The following EPHA3 variants were observed in gnomAD, a reference collection of about 807,000 sequenced individuals.
EPHA3 encodes the protein EPH receptor A3.
A neutral mutation model predicts 107.1 loss-of-function variants in EPHA3; 42 were observed. The ratio of observed to expected loss-of-function variants is 0.39; its 90% CI spans 0.31 to 0.51. The LOEUF (loss-of-function observed/expected upper bound fraction) is 0.51, where lower values mean the gene tolerates loss of function less well. Ranked by LOEUF, EPHA3 falls within the 20% of genes least tolerant of loss-of-function variation. The pLI, the probability that EPHA3 is intolerant of heterozygous loss-of-function variation, is 0.78. For synonymous variants in EPHA3, 461 were observed against 424.8 expected, an observed-to-expected ratio of 1.09 and a Z score of -1.05; for missense variants, 1,183 against 1,211.2, an observed-to-expected ratio of 0.98 and a Z score of 0.35.
At chr3:89,292,786 C>A (rs917347724) in intron 3 of EPHA3, among the ~76,000 whole-genome samples, 1 of 152,078 alleles carries the variant, frequency 6.6e-6, no homozygotes, top group Admixed American at 6.6e-5. Context: ...TTACAAATTT[C>A]AAAAGTCTTT....
chr3:89,169,759 T>C (rs1204849327), intron 2 of EPHA3, among the ~76,000 whole-genome samples: 1 of 152,218 alleles, frequency 6.6e-6, no homozygotes, highest in Non-Finnish European at 1.5e-5. Flanking sequence ...TTCAAATATA[T>C]CATTTCTTCA....
intron 3 of EPHA3, among the ~76,000 whole-genome samples, chr3:89,276,002 G>C (rs1279745172): frequency 6.6e-6 from 1 of 151,998 alleles, no homozygotes; most frequent in Admixed American, 6.6e-5. Flanking sequence ...AGAACCAGCA[G>C]GGTGAATAGC....
At chr3:89,405,432 C>T (rs565711216) in intron 7 of EPHA3, among the ~76,000 whole-genome samples, 1 of 152,246 alleles carries the variant, frequency 6.6e-6, no homozygotes, top group African/African-American at 2.4e-5. Flanking sequence ...AGCAAGCACT[C>T]CTGTGACTGC....
Position 89,118,062 on chromosome 3 carries a change from G to A in EPHA3, c.89-9147G>A, listed in dbSNP as rs568318155. Among the ~76,000 whole-genome samples, 7 of 136,724 alleles carry A rather than the reference G, an allele frequency of 5.1e-5. No individual in the cohort carries two copies. The East Asian group carries it at 1.5e-3, about 30-fold the overall frequency. 89.7% of individuals were successfully genotyped at this position (136,724 alleles called of 152,430 possible). ...ATATTTTCAAAGATGCAGTATAAAA[G>A]GACATAGTATTTTTCTCTTGGTTTA... On this transcript the variant is annotated intron_variant, in intron 1 of 16. Coordinates refer to ENST00000336596, the MANE Select transcript of EPHA3 (RefSeq NM_005233.6).
At chr3:89,257,808 C>T (rs953176055) in intron 3 of EPHA3, among the ~76,000 whole-genome samples, 1 of 151,654 alleles carries the variant, frequency 6.6e-6, no homozygotes, top group Non-Finnish European at 1.5e-5. Context: ...TGTTAGTGGA[C>T]AAATGCATTA....
chr3:89,374,953 T>G (rs1197218236), intron 5 of EPHA3, among the ~76,000 whole-genome samples: 1 of 151,822 alleles, frequency 6.6e-6, no homozygotes, highest in African/African-American at 2.4e-5. Context: ...ATAGCAACTG[T>G]AGGTCCTGTT....
At chr3:89,404,841 A>G (rs543224101) in intron 7 of EPHA3, among the ~76,000 whole-genome samples, 2 of 152,328 alleles carry the variant, frequency 1.3e-5, no homozygotes, top group South Asian at 4.1e-4. Context: ...GCTAATCAAA[A>G]TAACCACAGA....
chr3:89,149,136 T>C (rs1205607368), intron 2 of EPHA3, among the ~76,000 whole-genome samples: 2 of 151,958 alleles, frequency 1.3e-5, no homozygotes, highest in African/African-American at 4.8e-5. Flanking sequence ...AAATATTATA[T>C]GGTTCAAAGG....
intron 2 of EPHA3, among the ~76,000 whole-genome samples, chr3:89,194,457 T>C (rs1705789307): frequency 6.6e-6 from 1 of 152,010 alleles, no homozygotes; most frequent in Admixed American, 6.6e-5. Context: ...GGTTGGACTT[T>C]TATTAGCTTT....
At chr3:89,446,460 C>T (rs1709878047) in intron 13 of EPHA3, among the ~76,000 whole-genome samples, 1 of 152,160 alleles carries the variant, frequency 6.6e-6, no homozygotes, top group South Asian at 2.1e-4. Flanking sequence ...ATGCTCTTCT[C>T]TCTGGAAAAT....
At chr3:89,172,420 A>G (rs1396423141) in intron 2 of EPHA3, among the ~76,000 whole-genome samples, 2 of 152,192 alleles carry the variant, frequency 1.3e-5, no homozygotes, top group African/African-American at 2.4e-5. Context: ...TAACTGACAG[A>G]CAATTTAACC....
At chr3:89,202,776 T>C (rs1706003615) in intron 2 of EPHA3, among the ~76,000 whole-genome samples, 1 of 152,076 alleles carries the variant, frequency 6.6e-6, no homozygotes, top group Non-Finnish European at 1.5e-5. Flanking sequence ...ATTGTCTTCT[T>C]CATACCAGTA....
chr3:89,403,038 G>C (rs1273532620), intron 7 of EPHA3, among the ~76,000 whole-genome samples: 1 of 152,086 alleles, frequency 6.6e-6, no homozygotes, highest in Non-Finnish European at 1.5e-5. Flanking sequence ...ATATTTCTTG[G>C]TAGAACACAA....
At chr3:89,226,532 T>C (rs1704507968) in intron 3 of EPHA3, among the ~76,000 whole-genome samples, 1 of 152,146 alleles carries the variant, frequency 6.6e-6, no homozygotes, top group Admixed American at 6.6e-5. Context: ...GTGTACAATT[T>C]GTCATAACAT....
chr3:89,147,579 G>A (rs9848187), intron 2 of EPHA3, among the ~76,000 whole-genome samples: 29,577 of 151,756 alleles, frequency 0.19, 3,140 homozygotes, highest in Middle Eastern at 0.32. Context: ...TTGCAGACAC[G>A]AACAGAATCG....
At chr3:89,365,092 G>A (rs757053538) in intron 5 of EPHA3, among the ~76,000 whole-genome samples, 10 of 150,818 alleles carry the variant, frequency 6.6e-5, no homozygotes, top group Non-Finnish European at 1.5e-4. Flanking sequence ...TATAGTTTGT[G>A]CAAAGAAAAC....
intron 5 of EPHA3, among the ~76,000 whole-genome samples, chr3:89,373,532 A>G (rs1458137043): frequency 6.6e-6 from 1 of 151,892 alleles, no homozygotes; most frequent in East Asian, 1.9e-4. Flanking sequence ...AGAGTCAGAA[A>G]CAGAAAAGAT....
chr3:89,191,982 T>C (rs369929865), intron 2 of EPHA3, among the ~76,000 whole-genome samples: 13 of 152,336 alleles, frequency 8.5e-5, no homozygotes, highest in African/African-American at 3.1e-4. Context: ...TAGTAAAACC[T>C]TGTCTCCTTT....
chr3:89,472,106 G>A (rs940297674), intron 15 of EPHA3, among the ~76,000 whole-genome samples: 2 of 152,130 alleles, frequency 1.3e-5, no homozygotes, highest in Non-Finnish European at 2.9e-5. Flanking sequence ...AGACAGCAAA[G>A]AATTCAGTGT....
Sources: allele counts gnomAD v4.1 joint callset (sites outside exome capture counted in the v4.1 genomes callset), GRCh38; gene constraint gnomAD v4.1.1; transcripts MANE v1.5; gene names NCBI Gene and HGNC (gene_info 2026-07-23, HGNC 2026-07-21).